The following DRC11 variants were observed in gnomAD, a reference collection of about 807,000 sequenced individuals.
The protein encoded by DRC11 is dynein regulatory complex subunit 11, also known as IQ and AAA domain-containing protein 1.
chr2:236,355,454 C>T, the DRC11 span, among the ~76,000 whole-genome samples: 6 of 152,222 alleles, frequency 3.9e-5, no homozygotes, highest in Non-Finnish European at 7.3e-5. Context: ...CCTGCAGCTG[C>T]GTCCGCACGC....
At chr2:236,315,926 T>C in the DRC11 span, among the ~76,000 whole-genome samples, 1 of 152,078 alleles carries the variant, frequency 6.6e-6, no homozygotes, top group African/African-American at 2.4e-5. This position sits in a 1 kb window ranked among gnomAD's most constrained non-coding sequence, Gnocchi z 5.1. Flanking sequence ...GGTTGATAGA[T>C]GCAGCAAACC....
chr2:236,315,427 T>C, the DRC11 span, among the ~76,000 whole-genome samples: 1 of 152,226 alleles, frequency 6.6e-6, no homozygotes, highest in Non-Finnish European at 1.5e-5. The surrounding 1 kb of genome is among the most constrained non-coding windows in gnomAD (Gnocchi z 5.1). Context: ...AGTTCAACCA[T>C]TGTGGAAGAC....
chr2:236,364,009 G>A, the DRC11 span: 2 of 1,581,634 alleles, frequency 1.3e-6, no homozygotes, highest in Non-Finnish European at 1.7e-6. Context: ...AGGTGCTAAT[G>A]TTCTGCCAAG....
chr2:236,316,122 C>A, the DRC11 span, among the ~76,000 whole-genome samples: 4 of 149,928 alleles, frequency 2.7e-5, no homozygotes, highest in East Asian at 7.8e-4. The surrounding 1 kb of genome is among the most constrained non-coding windows in gnomAD (Gnocchi z 6.8). Flanking sequence ...GCCAAGTTTC[C>A]TTAACATTAA....
the DRC11 span, chr2:236,409,218 C>T: frequency 4.5e-6 from 1 of 220,904 alleles, no homozygotes; most frequent in Non-Finnish European, 8.8e-6. Context: ...GATCCTCCTG[C>T]TTCAGCTGCC....
chr2:236,391,980 T>C, the DRC11 span: 1 of 1,613,722 alleles, frequency 6.2e-7, no homozygotes, highest in East Asian at 2.2e-5. The surrounding 1 kb of genome is among the most constrained non-coding windows in gnomAD (Gnocchi z 4.5). Flanking sequence ...ACTCACCTTG[T>C]CCTTTTTCTT....
At chr2:236,322,497 C>T in the DRC11 span, among the ~76,000 whole-genome samples, 5 of 152,166 alleles carry the variant, frequency 3.3e-5, no homozygotes, top group South Asian at 4.2e-4. Flanking sequence ...CCACCCGCCT[C>T]GGCCTCCCAA....
the DRC11 span, chr2:236,391,233 G>A: frequency 3.9e-5 from 6 of 152,208 alleles, no homozygotes; most frequent in African/African-American, 1.4e-4. The surrounding 1 kb of genome is among the most constrained non-coding windows in gnomAD (Gnocchi z 4.5). Flanking sequence ...ATCCTAAAAA[G>A]ACCACATGCA....
the DRC11 span, among the ~76,000 whole-genome samples, chr2:236,452,146 C>T: frequency 2.6e-5 from 4 of 152,208 alleles, no homozygotes; most frequent in Non-Finnish European, 4.4e-5. The surrounding 1 kb of genome is among the most constrained non-coding windows in gnomAD (Gnocchi z 4.7). Context: ...TGCCTGCTAT[C>T]TTTCAGTTAG....
chr2:236,326,838 GTGTT>G, the DRC11 span, among the ~76,000 whole-genome samples: 4 of 133,628 alleles, frequency 3.0e-5, no homozygotes, highest in East Asian at 2.1e-4. Flanking sequence ...GTGTGTGTGT[GTGTT>G]TGAGATGGAG....
chr2:236,374,929 G>C, the DRC11 span, among the ~76,000 whole-genome samples: 1 of 145,804 alleles, frequency 6.9e-6, no homozygotes, highest in African/African-American at 2.6e-5. Context: ...TCAAACTCTT[G>C]ACCTCAGGTG....
At chr2:236,372,520 G>A in the DRC11 span, among the ~76,000 whole-genome samples, 5 of 152,064 alleles carry the variant, frequency 3.3e-5, no homozygotes, top group Non-Finnish European at 5.9e-5. The surrounding 1 kb of genome is among the most constrained non-coding windows in gnomAD (Gnocchi z 4.5). Flanking sequence ...TTTACTTAAA[G>A]TTAAATGATC....
the DRC11 span, among the ~76,000 whole-genome samples, chr2:236,481,702 C>G: frequency 1.3e-5 from 2 of 151,918 alleles, no homozygotes; most frequent in African/African-American, 4.8e-5. Context: ...AGAAATCTCC[C>G]AAAGCTCACA....
chr2:236,462,618 C>T, the DRC11 span, among the ~76,000 whole-genome samples: 2 of 152,126 alleles, frequency 1.3e-5, no homozygotes, highest in South Asian at 4.2e-4. This position sits in a 1 kb window ranked among gnomAD's most constrained non-coding sequence, Gnocchi z 6.4. Flanking sequence ...TTGCAGTGAG[C>T]CGAGATCACA....
At chr2:236,490,052 T>C in the DRC11 span, among the ~76,000 whole-genome samples, 1 of 152,170 alleles carries the variant, frequency 6.6e-6, no homozygotes, top group Non-Finnish European at 1.5e-5. The surrounding 1 kb of genome is among the most constrained non-coding windows in gnomAD (Gnocchi z 5.5). Context: ...GCTTCATGTG[T>C]GGGGCGCTGC....
chr2:236,406,804 A>G, the DRC11 span, among the ~76,000 whole-genome samples: 3 of 150,234 alleles, frequency 2.0e-5, no homozygotes. The surrounding 1 kb of genome is among the most constrained non-coding windows in gnomAD (Gnocchi z 4.7). Context: ...GGAGTGCAGT[A>G]GCACAATCTC....
the DRC11 span, chr2:236,377,187 TG>T: frequency 1.9e-6 from 3 of 1,603,464 alleles, no homozygotes; most frequent in Non-Finnish European, 2.6e-6. The surrounding 1 kb of genome is among the most constrained non-coding windows in gnomAD (Gnocchi z 4.9). Flanking sequence ...TCGATGGTCC[TG>T]GGGAGAAAGC....
chr2:236,504,794 C>T, the DRC11 span, among the ~76,000 whole-genome samples: 5 of 152,216 alleles, frequency 3.3e-5, no homozygotes, highest in African/African-American at 7.2e-5. This position sits in a 1 kb window ranked among gnomAD's most constrained non-coding sequence, Gnocchi z 5.0. Context: ...ACGATTTTAT[C>T]AGGGGCTTTT....
At chr2:236,344,467 A>C in the DRC11 span, 1 of 834,710 alleles carries the variant, frequency 1.2e-6, no homozygotes, top group South Asian at 1.6e-5. Context: ...TTGAAAAGGC[A>C]AGACCTTCTC....
Sources: gnomAD v4.1 joint callset for allele counts (sites outside exome capture counted in the v4.1 genomes callset) on GRCh38, gnomAD v4.1.1 for gene constraint, Gnocchi (gnomAD v3.1) non-coding constraint, MANE v1.5 for transcripts, NCBI Gene and HGNC (gene_info 2026-07-23, HGNC 2026-07-21) for gene names.